Variants in TRIM46 observed in about 807,000 individuals in gnomAD.
The protein encoded by TRIM46 is tripartite motif containing 46, also known as tripartite motif-containing protein 46.
TRIM46 carries 17 observed loss-of-function variants against 69.7 expected under a neutral mutation model. The observed-to-expected ratio is 0.24, with a 90% confidence interval of 0.17 to 0.37. The LOEUF is 0.37. Ranked by LOEUF, TRIM46 falls within the 10% of genes least tolerant of loss-of-function variation. The pLI is 1.00. For missense variants in TRIM46, 675 were observed against 1,025.1 expected, an observed-to-expected ratio of 0.66 and a Z score of 4.66; for synonymous variants, 391 against 429.0, an observed-to-expected ratio of 0.91 and a Z score of 1.09.
In TRIM46 at chr1:155,177,070, C is replaced by T. The variant is rs768145200; in HGVS notation, c.808C>T (p.Leu270Phe). Residue 270 changes from leucine (L) to phenylalanine (F), a missense_variant, in exon 4 of 10, where the codon CTC becomes TTC. Physicochemically the swap from Leu to Phe is conservative, Grantham distance 22. Coordinates refer to ENST00000334634, the MANE Select transcript of TRIM46 (RefSeq NM_025058.5). ...ACCAGTGCTCAGTGCCTACCAGGCC[C>T]TCAAGGTAAGGACCCCCCTTATCCA... ...ITPVLSAYQA[L>F]KDKLTKSLTY... The T allele has an allele frequency of 1.2e-6, 2 of 1,612,764 alleles. No individual in the cohort carries two copies. The highest frequency in any genetic ancestry group is 1.1e-5 in the South Asian group (1 of 91,066).
In TRIM46 at chr1:155,181,808, T is replaced by C. The variant is rs1666192689; in HGVS notation, c.1589-44T>C. 1 of 1,573,854 alleles carries C rather than the reference T, an allele frequency of 6.4e-7. No homozygotes were observed. The highest frequency in any genetic ancestry group is 1.3e-5 in the African/African-American group (1 of 74,500). On this transcript the variant is annotated intron_variant, in intron 8 of 9. Transcript: ENST00000334634. This position sits in a 1 kb window ranked among gnomAD's most constrained non-coding sequence, Gnocchi z 4.3. ...TCACAGCCCCCAGTGCCAGTGTTTG[T>C]CCCTGAAGTTCTTGCTCCATCTCAA...
chr1:155,184,306 C>A lies in TRIM46; in HGVS notation c.*116C>A. Reference sequence around the variant, plus strand: ...TCCCCCAAACTCTCCTACCATGTGGCCCTGCTCCTTCTCCCGTGTCTGTCT... The same window carrying A: ...TCCCCCAAACTCTCCTACCATGTGGACCTGCTCCTTCTCCCGTGTCTGTCT... On this transcript the variant is annotated 3_prime_UTR_variant, in exon 10 of 10. Coordinates refer to ENST00000334634, the MANE Select transcript of TRIM46 (RefSeq NM_025058.5). The surrounding 1 kb of genome is among the most constrained non-coding windows in gnomAD (Gnocchi z 5.6). 1 of 1,133,458 alleles carries A rather than the reference C, an allele frequency of 8.8e-7. No individual in the cohort carries two copies. Among genetic ancestry groups the A allele is most frequent in the Non-Finnish European group, 1.2e-6 (1 of 823,294 alleles). The allele number at this position is 1,133,458 out of a possible 1,614,324, so 70.2% of individuals were successfully genotyped here. A position where few individuals can be genotyped will look rare whatever the true frequency, so the allele number is the denominator to read the frequency against.
In TRIM46 at chr1:155,175,183, T is replaced by C. The variant is rs148756748; in HGVS notation, c.64-203T>C. 1,238 of 1,436,056 alleles carry C rather than the reference T, an allele frequency of 8.6e-4. 12 individuals carry two copies. In the African/African-American group the frequency reaches 0.016, roughly 19 times the overall value. 89.0% of individuals were successfully genotyped at this position (1,436,056 alleles called of 1,614,324 possible). ...TCCAACCGTCCCTCCTCTGGGCCTT[T>C]AGCTCTGCAGCGGGGAAAGAGAAGC... is the stretch of plus-strand genomic sequence containing the variant. On this transcript the variant is annotated intron_variant, in intron 1 of 9. Coordinates refer to ENST00000334634, the MANE Select transcript of TRIM46 (RefSeq NM_025058.5). The surrounding 1 kb of genome is among the most constrained non-coding windows in gnomAD (Gnocchi z 4.2).
At chr1:155,178,336 C>T in intron 6 of TRIM46, 81 bp downstream of exon 6, 2 of 1,559,534 alleles carry the variant, frequency 1.3e-6, no homozygotes, top group Non-Finnish European at 1.7e-6. Context: ...ACAGTACTGC[C>T]AGGTGGAGAA....
At chr1:155,177,864 T>C in intron 5 of TRIM46, 138 bp from the exon 6 acceptor site, 1 of 1,282,322 alleles carries the variant, frequency 7.8e-7, no homozygotes, top group East Asian at 2.5e-5. Flanking sequence ...CCAGGCCCTG[T>C]AGGAATGGGT....
intron 9 of TRIM46, chr1:155,182,418 C>T: frequency 3.5e-6 from 2 of 573,680 alleles, no homozygotes; most frequent in Admixed American, 3.2e-5. Context: ...TTCCTTCCAA[C>T]CATCTGTCAC....
intron 9 of TRIM46, among the ~76,000 whole-genome samples, chr1:155,183,145 C>T (rs1463757515): frequency 2.0e-5 from 3 of 151,910 alleles, no homozygotes; most frequent in Non-Finnish European, 4.4e-5. Flanking sequence ...CTCCTGACCT[C>T]GTGATCCGCC....
intron 9 of TRIM46, among the ~76,000 whole-genome samples, chr1:155,183,208 C>T (rs1666315696): frequency 6.6e-6 from 1 of 152,118 alleles, no homozygotes; most frequent in South Asian, 2.1e-4. Flanking sequence ...CTGTGCCTGG[C>T]CCCAACTCCC....
At position 155,181,929 on chromosome 1, in the gene TRIM46, C is replaced by T. The variant is rs372009763; in HGVS notation, c.1666C>T (p.Arg556Trp). The T allele has an allele frequency of 2.5e-6, 4 of 1,614,068 alleles. No individual in the cohort carries two copies. The highest frequency in any genetic ancestry group is 1.1e-5 in the South Asian group (1 of 91,082). Residue 556 changes from arginine (R) to tryptophan (W), a missense_variant, in exon 9 of 10, where the codon CGG (arginine) becomes TGG (tryptophan). This residue lies in a region of TRIM46 where 361 missense variants were observed against 498.3 expected (regional missense o/e 0.72). Transcript: ENST00000334634. This position sits in a 1 kb window ranked among gnomAD's most constrained non-coding sequence, Gnocchi z 4.3. ...LAISKDQRAV[R>W]SVPGLPLLLA... ...TATCAGCAAGGACCAGCGAGCAGTA[C>T]GGAGTGTTCCAGGGCTGCCCCTGCT...
rs111990855 is a variant in TRIM46 at position 155,182,015 on chromosome 1, C to T, written c.1752C>T (p.Asp584=). The stretch of plus-strand genomic sequence containing the variant: ...TGAGTGTGGATGTGGTCCTGGGCGA[C>T]GTGGCTGTGACCCAGGGCCGCAGCT... ...CHLSVDVVLG[D]VAVTQGRSYW... is the part of the protein sequence containing the mutation. The change falls in exon 9 of 10, where the codon GAC becomes GAT. Residue 584 remains aspartate, a synonymous_variant. Transcript: ENST00000334634. 2,480 of 1,613,572 alleles carry T rather than the reference C, an allele frequency of 1.5e-3. 36 individuals carry two copies. The African/African-American group carries it at 0.028, about 18-fold the overall frequency.
rs1665832026 is a variant in TRIM46 at position 155,178,100 on chromosome 1, A to G, written c.1008A>G (p.Glu336=). Residue 336 remains glutamate, a synonymous_variant, in exon 6 of 10, where the codon GAA becomes GAG. Coordinates refer to ENST00000334634, the MANE Select transcript of TRIM46 (RefSeq NM_025058.5). The stretch of plus-strand genomic sequence containing the variant: ...GGGCATCACTGCTTCAGGCCATTGA[A>G]GAATGCCAGCAGGAGCGGCTGGCCC... ...EKRASLLQAI[E]ECQQERLARL... The G allele has an allele frequency of 1.2e-6, 2 of 1,614,168 alleles. No individual in the cohort carries two copies. Among genetic ancestry groups the G allele is most frequent in the Non-Finnish European group, 1.7e-6 (2 of 1,180,014 alleles).
chr1:155,176,335 C>T, intron 3 of TRIM46, 104 bp downstream of exon 3: 2 of 1,059,986 alleles, frequency 1.9e-6, no homozygotes, highest in East Asian at 5.2e-5. Context: ...GAAGGGTTTT[C>T]CAATGCTAAG....
Position 155,184,097 on chromosome 1 carries a change from C to T in TRIM46, c.2187C>T (p.Cys729=), listed in dbSNP as rs1256953529. The change falls in exon 10 of 10, where the codon TGC becomes TGT. Residue 729 remains cysteine, a synonymous_variant. Coordinates refer to ENST00000334634, the MANE Select transcript of TRIM46 (RefSeq NM_025058.5). This position sits in a 1 kb window ranked among gnomAD's most constrained non-coding sequence, Gnocchi z 5.6. ...CAGGGCCTGTGTGCCCTGCCTTTTG[C>T]TTCATCGGGGGTGGCGCAGTACAGC... ...DCSGPVCPAF[C]FIGGGAVQLQ... The T allele has an allele frequency of 1.2e-6, 2 of 1,614,078 alleles. No homozygotes were observed. Among genetic ancestry groups the T allele is most frequent in the Non-Finnish European group, 8.5e-7 (1 of 1,180,034 alleles).
intron 6 of TRIM46, 25 bp downstream of exon 6, chr1:155,178,280 G>C (rs371133164): frequency 5.1e-6 from 8 of 1,577,710 alleles, no homozygotes; most frequent in East Asian, 4.5e-5. Context: ...GGGCTCCTAG[G>C]GGGGCAGGGA....
At chr1:155,176,542 T>C (rs1665666981) in intron 3 of TRIM46, among the ~76,000 whole-genome samples, 1 of 152,246 alleles carries the variant, frequency 6.6e-6, no homozygotes, top group East Asian at 1.9e-4. Flanking sequence ...AAGGTCTGTG[T>C]GCATTCACTC....
Position 155,178,628 on chromosome 1 carries a change from A to G in TRIM46, c.1285+15A>G. The G allele has an allele frequency of 6.2e-7, 1 of 1,610,968 alleles. No homozygotes were observed. Among genetic ancestry groups the G allele is most frequent in the Non-Finnish European group, 8.5e-7 (1 of 1,179,834 alleles). On this transcript the variant is annotated intron_variant, in intron 7 of 9. Transcript: ENST00000334634. ...CTTCCTGCGAGGTAAGGAGATGGCC[A>G]GGCCCCATGCCCAACCAGAGCCTTC...
intron 8 of TRIM46, chr1:155,180,632 C>T (rs138441379): frequency 5.5e-6 from 1 of 181,514 alleles, no homozygotes; most frequent in African/African-American, 2.4e-5. Context: ...AAATAAAGGC[C>T]AGGCAAGGTG....
rs775700736 is a variant in TRIM46 at position 155,175,748 on chromosome 1, G to A, written c.325+101G>A. The stretch of plus-strand genomic sequence containing the variant: ...GTCAGAGGCATCTGTCTGTCTTTCT[G>A]GGGGGTGGAGATACTGCTTACGCAG... On this transcript the variant is annotated intron_variant, in intron 2 of 9. Transcript: ENST00000334634. This position sits in a 1 kb window ranked among gnomAD's most constrained non-coding sequence, Gnocchi z 4.2. The A allele has an allele frequency of 1.3e-6, 2 of 1,595,338 alleles. No homozygotes were observed. The highest frequency in any genetic ancestry group is 1.7e-5 in the Admixed American group (1 of 59,536).
Position 155,178,269 on chromosome 1 carries a change from T to C in TRIM46, c.1163+14T>C. On this transcript the variant is annotated intron_variant, in intron 6 of 9. Coordinates refer to ENST00000334634, the MANE Select transcript of TRIM46 (RefSeq NM_025058.5). ...GCTGCACAACAGGTACTCAGGGGCATGGGCTCCTAGGGGGGCAGGGACATC... is the reference window on the plus strand; with the variant it reads ...GCTGCACAACAGGTACTCAGGGGCACGGGCTCCTAGGGGGGCAGGGACATC... 6.3e-7 allele frequency: 1 copy of C among 1,586,656 alleles called. No homozygotes were observed. The highest frequency in any genetic ancestry group is 2.2e-5 in the East Asian group (1 of 44,458).
Sources: allele counts gnomAD v4.1 joint callset (sites outside exome capture counted in the v4.1 genomes callset), GRCh38; gene constraint gnomAD v4.1.1; regional missense constraint gnomAD v4.1.1; non-coding constraint Gnocchi (gnomAD v3.1); transcripts MANE v1.5; gene names NCBI Gene and HGNC (gene_info 2026-07-23, HGNC 2026-07-21).